The following OPCML variants were observed in gnomAD, a reference collection of about 807,000 sequenced individuals.
OPCML encodes the protein opioid-binding protein/cell adhesion molecule.
Under a neutral mutation model 37.8 loss-of-function variants are expected in OPCML, and 13 were observed. The ratio of observed to expected loss-of-function variants is 0.34; its 90% CI spans 0.22 to 0.55. The LOEUF is 0.55. Among genes scored for constraint, OPCML ranks in the 20% least tolerant of loss-of-function variants. OPCML has a pLI of 0.91. For synonymous variants in OPCML, 176 were observed against 168.8 expected, an observed-to-expected ratio of 1.04 and a Z score of -0.33; for missense variants, 341 against 435.6, an observed-to-expected ratio of 0.78 and a Z score of 1.93.
chr11:133,501,546 G>C lies in OPCML; in HGVS notation c.61+30718C>G, dbSNP rs143402721. ...TGTTATATGAGAAAAAGAAGACATA[G>C]TCCCATGGGGTTAACTCTGGGATCA... On this transcript the variant is annotated intron_variant, in intron 1 of 7. Transcript: ENST00000524381. Among the ~76,000 whole-genome samples, 396 of 152,276 alleles carry C rather than the reference G, an allele frequency of 2.6e-3. 2 individuals are homozygous for C. The highest frequency in any genetic ancestry group is 9.1e-3 in the African/African-American group (378 of 41,550).
At chr11:133,089,970 C>T (rs529023375) in intron 1 of OPCML, among the ~76,000 whole-genome samples, 88 of 152,294 alleles carry the variant, frequency 5.8e-4, no homozygotes, top group African/African-American at 2.1e-3. Context: ...GAGCTTACTT[C>T]ATAGTGGGAG....
intron 1 of OPCML, among the ~76,000 whole-genome samples, chr11:133,333,566 C>T (rs1943673925): frequency 6.6e-6 from 1 of 152,154 alleles, no homozygotes; most frequent in Non-Finnish European, 1.5e-5. Context: ...GCAATGCCAT[C>T]CTAGACAGGA....
intron 1 of OPCML, among the ~76,000 whole-genome samples, chr11:132,981,619 G>A (rs927252768): frequency 6.6e-5 from 10 of 152,196 alleles, no homozygotes; most frequent in South Asian, 2.1e-4. Context: ...ACGATTACAC[G>A]TAAGAATGAC....
At position 133,203,001 on chromosome 11, in the gene OPCML, G is replaced by A. The variant is rs370947753; in HGVS notation, c.62-259991C>T. On this transcript the variant is annotated intron_variant, in intron 1 of 7. Coordinates refer to ENST00000524381, the MANE Select transcript of OPCML (RefSeq NM_001012393.5). Reference sequence around the variant, plus strand: ...GAGCACGTGACCTGAATGAGCTGGCGTTTTACCACAGGAAGACTAGCAGTT... The same window carrying A: ...GAGCACGTGACCTGAATGAGCTGGCATTTTACCACAGGAAGACTAGCAGTT... Among the ~76,000 whole-genome samples, 20 of 152,292 alleles carry A rather than the reference G, an allele frequency of 1.3e-4. No individual in the cohort carries two copies. The East Asian group carries it at 2.1e-3, about 16-fold the overall frequency.
At chr11:132,976,406 T>G (rs774542493) in intron 1 of OPCML, among the ~76,000 whole-genome samples, 3 of 152,130 alleles carry the variant, frequency 2.0e-5, no homozygotes, top group Admixed American at 6.5e-5. Flanking sequence ...CAGAAAGATC[T>G]CCTATAAAAA....
At chr11:133,276,597 A>G (rs1389150773) in intron 1 of OPCML, among the ~76,000 whole-genome samples, 1 of 152,240 alleles carries the variant, frequency 6.6e-6, no homozygotes, top group Non-Finnish European at 1.5e-5. Context: ...CAGCTCTGAC[A>G]TGCTGTACAA....
intron 1 of OPCML, among the ~76,000 whole-genome samples, chr11:133,274,422 G>T (rs1941935679): frequency 6.6e-6 from 1 of 152,160 alleles, no homozygotes; most frequent in Non-Finnish European, 1.5e-5. Context: ...CAGAGGCAGG[G>T]ACTGAAGTGC....
At chr11:132,637,486 T>C (rs1940581788) in intron 3 of OPCML, among the ~76,000 whole-genome samples, 1 of 152,156 alleles carries the variant, frequency 6.6e-6, no homozygotes, top group Admixed American at 6.5e-5. Context: ...ATTTAGCCCA[T>C]AGTCTAAGTT....
chr11:132,488,642 C>A (rs1434489022), intron 4 of OPCML, among the ~76,000 whole-genome samples: 2 of 152,212 alleles, frequency 1.3e-5, no homozygotes, highest in Non-Finnish European at 2.9e-5. Context: ...ATAGGCTACA[C>A]TAAATTTATT....
intron 7 of OPCML, among the ~76,000 whole-genome samples, chr11:132,434,878 G>T (rs1218057047): frequency 6.6e-6 from 1 of 152,094 alleles, no homozygotes; most frequent in African/African-American, 2.4e-5. Flanking sequence ...ATAGCAGAAT[G>T]AGCATTCTTT....
At chr11:133,344,832 G>A (rs73602435) in intron 1 of OPCML, among the ~76,000 whole-genome samples, 26,246 of 152,114 alleles carry the variant, frequency 0.17, 2,825 homozygotes, top group African/African-American at 0.3. Flanking sequence ...AGCACCTGGA[G>A]ACATGGTGTG....
At chr11:133,516,339 C>T (rs1381082135) in intron 1 of OPCML, among the ~76,000 whole-genome samples, 1 of 152,166 alleles carries the variant, frequency 6.6e-6, no homozygotes, top group Non-Finnish European at 1.5e-5. Context: ...GACCTTGGAG[C>T]CGTCACAGCC....
chr11:133,216,766 G>A (rs746711685), intron 1 of OPCML, among the ~76,000 whole-genome samples: 29 of 152,018 alleles, frequency 1.9e-4, no homozygotes, highest in African/African-American at 5.3e-4. Context: ...TAATGTGTAC[G>A]TACATTCATG....
chr11:133,503,418 C>T (rs1305874885), intron 1 of OPCML, among the ~76,000 whole-genome samples: 1 of 152,180 alleles, frequency 6.6e-6, no homozygotes, highest in African/African-American at 2.4e-5. Context: ...GGCCACAGCT[C>T]CTCCAAGCCC....
chr11:133,527,739 A>G (rs35027810), intron 1 of OPCML, among the ~76,000 whole-genome samples: 2,075 of 152,350 alleles, frequency 0.014, 21 homozygotes, highest in Non-Finnish European at 0.021. Context: ...AGGTTCATAC[A>G]TGGCTGGAAC....
chr11:132,459,505 G>T (rs1350132978), intron 4 of OPCML, among the ~76,000 whole-genome samples: 2 of 145,182 alleles, frequency 1.4e-5, no homozygotes. Flanking sequence ...TATCTATATA[G>T]AGAATATATA....
At chr11:132,924,963 G>A (rs2136604365) in intron 2 of OPCML, among the ~76,000 whole-genome samples, 1 of 152,188 alleles carries the variant, frequency 6.6e-6, no homozygotes, top group South Asian at 2.1e-4. Context: ...GTTTTCTTAA[G>A]TCTTTCTCTT....
intron 1 of OPCML, among the ~76,000 whole-genome samples, chr11:133,511,258 C>A (rs1948150052): frequency 6.6e-6 from 1 of 152,292 alleles, no homozygotes; most frequent in Non-Finnish European, 1.5e-5. Context: ...TGGTCTCTGC[C>A]TCTAAGCTTT....
intron 1 of OPCML, among the ~76,000 whole-genome samples, chr11:133,510,516 G>C (rs1455763854): frequency 1.3e-5 from 2 of 152,110 alleles, no homozygotes; most frequent in Non-Finnish European, 2.9e-5. Flanking sequence ...CCCCTCTCTT[G>C]GGCTTTTCTT....
Sources: allele counts gnomAD v4.1 joint callset (sites outside exome capture counted in the v4.1 genomes callset), GRCh38; gene constraint gnomAD v4.1.1; transcripts MANE v1.5; gene names NCBI Gene and HGNC (gene_info 2026-07-23, HGNC 2026-07-21).